Variants in MACROD2 observed in about 807,000 individuals in gnomAD.
MACROD2 encodes the protein ADP-ribose glycohydrolase MACROD2.
A neutral mutation model predicts 70.4 loss-of-function variants in MACROD2; 36 were observed. That is an observed-to-expected ratio of 0.51 (90% CI 0.39 to 0.68). The LOEUF (loss-of-function observed/expected upper bound fraction) is 0.68, where lower values mean the gene tolerates loss of function less well. Among genes scored for constraint, MACROD2 ranks in the 30% least tolerant of loss-of-function variants. The pLI is 0.00. For missense variants in MACROD2, 496 were observed against 538.4 expected (o/e 0.92, Z 0.78); for synonymous variants, 172 against 178.8 (o/e 0.96, Z 0.30).
At chr20:14,155,359 G>A (rs919372059) in intron 3 of MACROD2, among the ~76,000 whole-genome samples, 3 of 152,110 alleles carry the variant, frequency 2.0e-5, no homozygotes, top group African/African-American at 4.8e-5. Flanking sequence ...TTTATAAGTC[G>A]TATCTTTTCA....
chr20:15,132,200 CAT>C (rs2076111408), intron 5 of MACROD2, among the ~76,000 whole-genome samples: 1 of 151,758 alleles, frequency 6.6e-6, no homozygotes, highest in Non-Finnish European at 1.5e-5. Context: ...GTCTAAATAA[CAT>C]ATCTAAAATG....
At chr20:14,896,853 C>CA (rs113362776) in intron 5 of MACROD2, among the ~76,000 whole-genome samples, 29,093 of 152,064 alleles carry the variant, frequency 0.19, 2,986 homozygotes, top group African/African-American at 0.22. Flanking sequence ...TAATCACCTT[C>CA]AAAAAACTGT....
In MACROD2 at chr20:15,795,062, G is replaced by A. The variant is rs912912455; in HGVS notation, c.646-67683G>A. Among the ~76,000 whole-genome samples, 3 of 151,998 alleles carry A rather than the reference G, an allele frequency of 2.0e-5. No individual in the cohort carries two copies. In the South Asian group the frequency reaches 6.2e-4, roughly 32 times the overall value. On this transcript the variant is annotated intron_variant, in intron 8 of 17. Transcript: ENST00000684519. ...GTAGGTACTAAGAAAAGATCTCCTT[G>A]TCTGCACAATTCCAAAAGTTGCCAT...
intron 5 of MACROD2, among the ~76,000 whole-genome samples, chr20:15,122,552 CTG>C (rs2076038217): frequency 1.3e-5 from 2 of 152,174 alleles, no homozygotes; most frequent in South Asian, 4.1e-4. Context: ...ATAGAAATAA[CTG>C]TTTTGTTTTA....
intron 5 of MACROD2, among the ~76,000 whole-genome samples, chr20:14,685,465 G>A (rs1029459646): frequency 3.3e-5 from 5 of 152,210 alleles, no homozygotes; most frequent in South Asian, 2.1e-4. Flanking sequence ...AAAAGCCAAC[G>A]AAATCTGGTT....
chr20:15,624,094 C>T (rs1010484437), intron 8 of MACROD2, among the ~76,000 whole-genome samples: 2 of 152,142 alleles, frequency 1.3e-5, no homozygotes, highest in Non-Finnish European at 2.9e-5. Flanking sequence ...AGTCTATGGC[C>T]AAAGGCTCGA....
At chr20:15,891,786 T>C (rs1339051733) in intron 10 of MACROD2, among the ~76,000 whole-genome samples, 1 of 152,090 alleles carries the variant, frequency 6.6e-6, no homozygotes, top group Non-Finnish European at 1.5e-5. Context: ...AAACATCAAG[T>C]ATATGATTCT....
chr20:15,769,784 C>T (rs182886512), intron 8 of MACROD2, among the ~76,000 whole-genome samples: 9 of 152,162 alleles, frequency 5.9e-5, no homozygotes, highest in Middle Eastern at 3.4e-3. Flanking sequence ...TACTTCTCTT[C>T]GAAGAGTTTA....
intron 15 of MACROD2, among the ~76,000 whole-genome samples, chr20:16,008,840 T>C (rs2066823919): frequency 1.3e-5 from 2 of 152,226 alleles, no homozygotes; most frequent in Non-Finnish European, 2.9e-5. Flanking sequence ...GATGAAACGT[T>C]ACCTCCTGCC....
At chr20:15,501,673 G>A (rs2047366387) in intron 8 of MACROD2, among the ~76,000 whole-genome samples, 1 of 152,042 alleles carries the variant, frequency 6.6e-6, no homozygotes. Context: ...TATTGCTATT[G>A]CAACTGTAAA....
At chr20:14,514,825 A>G (rs2085073278) in intron 4 of MACROD2, among the ~76,000 whole-genome samples, 1 of 152,248 alleles carries the variant, frequency 6.6e-6, no homozygotes, top group East Asian at 1.9e-4. Context: ...AACAGAGAAA[A>G]GCCTCTTCTA....
At chr20:14,979,856 T>C (rs535397144) in intron 5 of MACROD2, among the ~76,000 whole-genome samples, 8 of 152,306 alleles carry the variant, frequency 5.3e-5, no homozygotes, top group African/African-American at 1.9e-4. Context: ...CCTTTGTCAC[T>C]AAATTAACTG....
At chr20:14,389,187 A>AATT (rs752936410) in intron 3 of MACROD2, among the ~76,000 whole-genome samples, 30 of 151,750 alleles carry the variant, frequency 2.0e-4, no homozygotes, top group African/African-American at 3.6e-4. Flanking sequence ...GCCATCGGCC[A>AATT]ATTATTATTA....
chr20:15,678,414 C>A (rs1453655763), intron 8 of MACROD2, among the ~76,000 whole-genome samples: 1 of 151,354 alleles, frequency 6.6e-6, no homozygotes, highest in Non-Finnish European at 1.5e-5. Context: ...GGCTGGAGTG[C>A]AGTGGCATGA....
intron 5 of MACROD2, among the ~76,000 whole-genome samples, chr20:14,858,123 G>A (rs2073275951): frequency 6.6e-6 from 1 of 152,048 alleles, no homozygotes; most frequent in African/African-American, 2.4e-5. Context: ...GCCTGGCCGA[G>A]GAATGTTTTA....
At chr20:15,580,665 A>C (rs1196592808) in intron 8 of MACROD2, among the ~76,000 whole-genome samples, 1 of 152,150 alleles carries the variant, frequency 6.6e-6, no homozygotes, top group Non-Finnish European at 1.5e-5. Flanking sequence ...TACCCTCTGA[A>C]GGTTTGCTGA....
intron 8 of MACROD2, among the ~76,000 whole-genome samples, chr20:15,776,090 A>C (rs995378378): frequency 6.6e-6 from 1 of 152,184 alleles, no homozygotes; most frequent in African/African-American, 2.4e-5. Flanking sequence ...AGTTTTTGGC[A>C]ATGCTTCACA....
intron 5 of MACROD2, among the ~76,000 whole-genome samples, chr20:14,950,651 A>G (rs1334798095): frequency 6.6e-6 from 1 of 152,140 alleles, no homozygotes; most frequent in Non-Finnish European, 1.5e-5. Context: ...CAGGGAAATA[A>G]TATCCTAGTT....
At chr20:15,699,152 G>A (rs577429032) in intron 8 of MACROD2, among the ~76,000 whole-genome samples, 3 of 152,102 alleles carry the variant, frequency 2.0e-5, no homozygotes, top group African/African-American at 7.2e-5. Context: ...GCGTTGAAGA[G>A]CCTTGTTTTG....
Sources: allele counts gnomAD v4.1 joint callset (sites outside exome capture counted in the v4.1 genomes callset), GRCh38; gene constraint gnomAD v4.1.1; transcripts MANE v1.5; gene names NCBI Gene and HGNC (gene_info 2026-07-23, HGNC 2026-07-21).